Variants in ZNF680 observed in about 807,000 individuals in gnomAD.
The protein encoded by ZNF680 is zinc finger protein 680.
A neutral mutation model predicts 12.1 loss-of-function variants in ZNF680; 6 were observed. The observed-to-expected ratio is 0.49, with a 90% confidence interval of 0.27 to 0.98. ZNF680 has a LOEUF of 0.98. Ranked by LOEUF, ZNF680 falls within the 50% of genes least tolerant of loss-of-function variation. The pLI is 0.12. For missense variants in ZNF680, 561 were observed against 616.3 expected (o/e 0.91, Z 0.95); for synonymous variants, 170 against 199.3 (o/e 0.85, Z 1.24).
At chr7:64,503,791 G>A in the ZNF680 span, among the ~76,000 whole-genome samples, 1 of 152,162 alleles carries the variant, frequency 6.6e-6, no homozygotes, top group Non-Finnish European at 1.5e-5. Flanking sequence ...AAAACAAGAT[G>A]CAGAGAAGAC....
the ZNF680 span, among the ~76,000 whole-genome samples, chr7:64,504,386 T>C: frequency 1.3e-5 from 2 of 152,210 alleles, no homozygotes; most frequent in Non-Finnish European, 2.9e-5. Flanking sequence ...TGGTTTTCTA[T>C]TTTTCCCTAA....
the ZNF680 span, among the ~76,000 whole-genome samples, chr7:64,506,510 A>G: frequency 6.6e-6 from 1 of 152,174 alleles, no homozygotes; most frequent in African/African-American, 2.4e-5. Flanking sequence ...TTCTTTTGTT[A>G]TCTAAGTAAA....
At chr7:64,531,613 A>C (rs1785890528) in intron 3 of ZNF680, among the ~76,000 whole-genome samples, 1 of 151,714 alleles carries the variant, frequency 6.6e-6, no homozygotes, top group South Asian at 2.1e-4. Context: ...AAAAAAAAAA[A>C]AACCTAGAAA....
the ZNF680 span, among the ~76,000 whole-genome samples, chr7:64,508,887 GT>G: frequency 6.6e-6 from 1 of 152,206 alleles, no homozygotes; most frequent in East Asian, 1.9e-4. Flanking sequence ...TCTTAGGAAT[GT>G]AACTTTAAAA....
Position 64,522,008 on chromosome 7 carries a change from T to C in ZNF680, c.746A>G (p.Gln249Arg). The C allele has an allele frequency of 1.2e-6, 2 of 1,612,638 alleles. No homozygotes were observed. The highest frequency in any genetic ancestry group is 1.1e-5 in the South Asian group (1 of 90,946). Residue 249 changes from glutamine to arginine, a missense_variant, in exon 4 of 4, where the codon CAA becomes CGA. By Grantham distance (43) the Gln-to-Arg change is conservative. Coordinates refer to ENST00000309683, the MANE Select transcript of ZNF680 (RefSeq NM_178558.5). ...CTTATGTTTAATAAGGGTTGAGGAT[T>C]GGTTAAAGGCTTTGCCACATTCCTC... ...KCEECGKAFN[Q>R]SSTLIKHKKI...
chr7:64,557,078 G>A (rs1013568660), intron 1 of ZNF680, among the ~76,000 whole-genome samples: 10 of 152,028 alleles, frequency 6.6e-5, no homozygotes, highest in East Asian at 3.9e-4. Flanking sequence ...GTAAAACCCC[G>A]TCTCTACTAA....
chr7:64,526,541 C>A, intron 3 of ZNF680: 2 of 487,322 alleles, frequency 4.1e-6, no homozygotes, highest in Non-Finnish European at 7.0e-6. Flanking sequence ...AACAGAAATG[C>A]TAAAATGAGT....
the ZNF680 span, among the ~76,000 whole-genome samples, chr7:64,512,361 G>A: frequency 2.0e-5 from 3 of 148,932 alleles, no homozygotes; most frequent in South Asian, 6.3e-4. Context: ...GCTGAGGCAG[G>A]AAAATCGTTT....
chr7:64,506,725 G>A, the ZNF680 span, among the ~76,000 whole-genome samples: 1 of 151,838 alleles, frequency 6.6e-6, no homozygotes, highest in African/African-American at 2.4e-5. Context: ...ATTATTTTCT[G>A]TTTGAAGTTT....
chr7:64,544,494 T>C, intron 1 of ZNF680, 62 bp from the exon 2 acceptor site: 12 of 1,556,142 alleles, frequency 7.7e-6, no homozygotes, highest in African/African-American at 5.5e-5. Context: ...TAAATGACCA[T>C]GGGCAGAATT....
At chr7:64,522,572 A>T in intron 3 of ZNF680, 72 bp from the exon 4 acceptor site, 1 of 1,133,162 alleles carries the variant, frequency 8.8e-7, no homozygotes. Context: ...TATCAAATTT[A>T]TAAAATTACA....
At chr7:64,529,004 G>A (rs922305312) in intron 3 of ZNF680, among the ~76,000 whole-genome samples, 5 of 152,110 alleles carry the variant, frequency 3.3e-5, no homozygotes, top group East Asian at 1.9e-4. Context: ...ACAGAACTCC[G>A]GGCAGACAAC....
intron 1 of ZNF680, among the ~76,000 whole-genome samples, 179 bp from the exon 2 acceptor site, chr7:64,544,611 T>C (rs1316881974): frequency 6.6e-6 from 1 of 152,226 alleles, no homozygotes; most frequent in Non-Finnish European, 1.5e-5. Flanking sequence ...AAATATTCTC[T>C]AATATATTCT....
At chr7:64,561,934 C>T (rs1475259609) in intron 1 of ZNF680, among the ~76,000 whole-genome samples, 1 of 80,320 alleles carries the variant, frequency 1.2e-5, no homozygotes, top group Admixed American at 1.4e-4. Flanking sequence ...GACTCCGTCT[C>T]AAAAAAAAAA....
intron 3 of ZNF680, among the ~76,000 whole-genome samples, chr7:64,538,901 C>T (rs574336134): frequency 6.6e-5 from 10 of 152,116 alleles, no homozygotes; most frequent in South Asian, 6.2e-4. Context: ...AAGGCGGAGG[C>T]GGGTGGATCA....
intron 1 of ZNF680, among the ~76,000 whole-genome samples, chr7:64,556,679 C>A (rs1787431717): frequency 6.6e-6 from 1 of 151,836 alleles, no homozygotes. Flanking sequence ...TTGTAAAAAA[C>A]CCTGAAAGAA....
intron 1 of ZNF680, among the ~76,000 whole-genome samples, chr7:64,553,843 T>C (rs1241129128): frequency 6.6e-6 from 1 of 152,194 alleles, no homozygotes; most frequent in Non-Finnish European, 1.5e-5. Context: ...CGCCACGGCC[T>C]CCCGAGGTGC....
At chr7:64,556,739 A>G (rs1453345842) in intron 1 of ZNF680, among the ~76,000 whole-genome samples, 1 of 152,260 alleles carries the variant, frequency 6.6e-6, no homozygotes, top group Non-Finnish European at 1.5e-5. Flanking sequence ...TTATTGACAT[A>G]GGAACTGGCA....
chr7:64,540,052 C>G (rs1215087965), intron 3 of ZNF680, among the ~76,000 whole-genome samples: 6 of 152,064 alleles, frequency 3.9e-5, no homozygotes. Context: ...ATTTATAAAT[C>G]TTTTCAAAAA....
Sources: gnomAD v4.1 joint callset for allele counts (sites outside exome capture counted in the v4.1 genomes callset) on GRCh38, gnomAD v4.1.1 for gene constraint, MANE v1.5 for transcripts, NCBI Gene and HGNC (gene_info 2026-07-23, HGNC 2026-07-21) for gene names.